The following LSM7 variants were observed in gnomAD, a reference collection of about 807,000 sequenced individuals.
LSM7 encodes the protein LSM7 homolog, U6 small nuclear RNA and mRNA degradation associated.
LSM7 carries 13 observed loss-of-function variants against 14.1 expected under a neutral mutation model. The observed-to-expected ratio is 0.92, with a 90% CI of 0.60 to 1.47. The LOEUF is 1.47. LSM7 is among the 40% of genes most tolerant of loss of function. The pLI is 0.00. For synonymous variants in LSM7, 70 were observed against 57.1 expected, an observed-to-expected ratio of 1.23 and a Z score of -1.02; for missense variants, 108 against 140.8, an observed-to-expected ratio of 0.77 and a Z score of 1.18.
chr19:2,323,168 T>C (rs993826534), intron 3 of LSM7, among the ~76,000 whole-genome samples: 2 of 152,120 alleles, frequency 1.3e-5, no homozygotes, highest in African/African-American at 4.8e-5. Context: ...GTCTGAGGAC[T>C]TGGCGGCCTC....
At chr19:2,324,790 A>G (rs1471764616) in intron 2 of LSM7, 2 of 154,590 alleles carry the variant, frequency 1.3e-5, no homozygotes, top group Non-Finnish European at 2.9e-5. Flanking sequence ...AAGGCTGCGC[A>G]CCGTGAGATC....
Position 2,324,146 on chromosome 19 carries a change from C to T in LSM7, c.148G>A (p.Gly50Ser), listed in dbSNP as rs763670056. The T allele has an allele frequency of 6.3e-7, 1 of 1,577,130 alleles. No individual in the cohort carries two copies. The highest frequency in any genetic ancestry group is 1.2e-5 in the South Asian group (1 of 85,862). The change falls in exon 3 of 4, where the codon GGC becomes AGC. Residue 50 changes from glycine (G) to serine (S), a missense_variant. By Grantham distance (56) the Gly-to-Ser change is moderately conservative (BLOSUM62 0). Coordinates refer to ENST00000252622, the MANE Select transcript of LSM7 (RefSeq NM_016199.3). ...TCACCTCGCATGTACTCAATGGTGC[C>T]GTCCAGCACAAGGTTGAGGAGTGGG... ...FDPLLNLVLD[G>S]TIEYMRDPDD...
At chr19:2,324,939 C>T (rs918311065) in intron 2 of LSM7, 21 of 152,588 alleles carry the variant, frequency 1.4e-4, no homozygotes, top group African/African-American at 4.8e-4. Flanking sequence ...GTGCTCCGCT[C>T]TGACAGCGGT....
Position 2,321,858 on chromosome 19 carries a change from C to A in LSM7, c.170-36G>T, listed in dbSNP as rs552966062. The A allele has an allele frequency of 3.6e-6, 5 of 1,375,472 alleles. No homozygotes were observed. The highest frequency in any genetic ancestry group is 3.5e-5 in the Admixed American group (1 of 28,516). The allele number at this position is 1,375,472 out of a possible 1,614,324, so 85.2% of individuals were successfully genotyped here. On this transcript the variant is annotated intron_variant, in intron 3 of 3. Transcript: ENST00000252622. This position sits in a 1 kb window ranked among gnomAD's most constrained non-coding sequence, Gnocchi z 5.0. ...GCAGATAGAGAGGACTGAGGGACCTCCAGGAAGCCTCCGAGACCCCCCACC... is the reference window on the plus strand; with the variant it reads ...GCAGATAGAGAGGACTGAGGGACCTACAGGAAGCCTCCGAGACCCCCCACC...
chr19:2,324,089 C>T (rs1373420173), intron 3 of LSM7, 36 bp downstream of exon 3: 20 of 1,473,136 alleles, frequency 1.4e-5, no homozygotes, highest in East Asian at 2.6e-5. Flanking sequence ...CTATCCCCCT[C>T]GTCCCGCTGC....
chr19:2,327,435 G>T (rs1274195023), intron 2 of LSM7, among the ~76,000 whole-genome samples: 2 of 152,118 alleles, frequency 1.3e-5, no homozygotes, highest in Non-Finnish European at 2.9e-5. Context: ...TAGAGACAGG[G>T]TTTCACCACG....
chr19:2,325,319 C>T (rs1369957879), intron 2 of LSM7, among the ~76,000 whole-genome samples: 5 of 152,018 alleles, frequency 3.3e-5, no homozygotes, highest in African/African-American at 1.2e-4. Flanking sequence ...CTCCCCTCCA[C>T]TGCCCTGCAG....
At chr19:2,328,534 C>T in intron 1 of LSM7, 27 bp downstream of exon 1, 3 of 1,605,876 alleles carry the variant, frequency 1.9e-6, no homozygotes, top group East Asian at 2.2e-5. Context: ...CCACGCCCCC[C>T]GGCTCCAGAT....
chr19:2,324,124 C>G lies in LSM7; in HGVS notation c.169+1G>C. 1 of 1,562,640 alleles carries G rather than the reference C, an allele frequency of 6.4e-7. No individual in the cohort carries two copies. The highest frequency in any genetic ancestry group is 1.9e-5 in the Admixed American group (1 of 52,640). Reference sequence around the variant, plus strand: ...CCTGCCTCGGCCGCCACCCCACTCACCTCGCATGTACTCAATGGTGCCGTC... The same window carrying G: ...CCTGCCTCGGCCGCCACCCCACTCAGCTCGCATGTACTCAATGGTGCCGTC... On this transcript the variant is annotated splice_donor_variant, in intron 3 of 3. Transcript: ENST00000252622. LOFTEE classifies it high-confidence loss of function.
intron 2 of LSM7, 200 bp from the exon 3 acceptor site, chr19:2,324,396 G>A: frequency 1.7e-6 from 1 of 572,296 alleles, no homozygotes; most frequent in East Asian, 2.9e-5. Flanking sequence ...CGTCTGCGGG[G>A]GGCCAGATGG....
intron 2 of LSM7, chr19:2,327,932 C>A (rs1004487673): frequency 4.3e-5 from 7 of 163,316 alleles, no homozygotes; most frequent in Admixed American, 4.2e-4. Flanking sequence ...GAGTTACCAG[C>A]CCCATTTGAC....
At chr19:2,327,551 C>G (rs1968056524) in intron 2 of LSM7, among the ~76,000 whole-genome samples, 1 of 151,552 alleles carries the variant, frequency 6.6e-6, no homozygotes. Context: ...TCCTTTTTCT[C>G]TTTTGAGACT....
intron 2 of LSM7, among the ~76,000 whole-genome samples, chr19:2,326,310 TTTTGTGTGTGTGTGTG>T (rs1484850797): frequency 2.4e-4 from 24 of 99,712 alleles, no homozygotes; most frequent in Non-Finnish European, 2.3e-4. Flanking sequence ...CCTTTCTGCT[TTTTGTGTGTGTGTGTG>T]TGTGTGTGTG....
At position 2,321,981 on chromosome 19, in the gene LSM7, C is replaced by T. The variant is rs564881531; in HGVS notation, c.170-159G>A. On this transcript the variant is annotated intron_variant, in intron 3 of 3. Coordinates refer to ENST00000252622, the MANE Select transcript of LSM7 (RefSeq NM_016199.3). The surrounding 1 kb of genome is among the most constrained non-coding windows in gnomAD (Gnocchi z 5.0). Reference sequence around the variant, plus strand: ...GGATGCGCTCTGTGGGGCAGGTCCCCGGCTCCCACGGCTGAGACCCATGGC... The same window carrying T: ...GGATGCGCTCTGTGGGGCAGGTCCCTGGCTCCCACGGCTGAGACCCATGGC... Among the ~76,000 whole-genome samples the T allele has an allele frequency of 4.6e-5, 7 of 152,316 alleles. No individual in the cohort carries two copies. The highest frequency in any genetic ancestry group is 3.3e-4 in the Admixed American group (5 of 15,308).
intron 2 of LSM7, among the ~76,000 whole-genome samples, chr19:2,325,160 C>CCACA (rs1381330289): frequency 6.6e-6 from 1 of 152,204 alleles, no homozygotes; most frequent in Non-Finnish European, 1.5e-5. Flanking sequence ...CCGCCTTGGG[C>CCACA]CACAACTTGC....
At chr19:2,323,520 G>T (rs562015256) in intron 3 of LSM7, among the ~76,000 whole-genome samples, 2 of 152,186 alleles carry the variant, frequency 1.3e-5, no homozygotes, top group Admixed American at 1.3e-4. Context: ...GCACCATCTC[G>T]GCTCACTGCA....
At position 2,324,127 on chromosome 19, in the gene LSM7, C is replaced by T. The variant is rs971600555; in HGVS notation, c.167G>A (p.Arg56Gln). The stretch of plus-strand genomic sequence containing the variant: ...GCCTCGGCCGCCACCCCACTCACCT[C>T]GCATGTACTCAATGGTGCCGTCCAG... ...LVLDGTIEYMRDPDDQYKLTE... is the reference protein window; with the variant it reads ...LVLDGTIEYMQDPDDQYKLTE... The change falls in exon 3 of 4, where the codon CGA becomes CAA. Residue 56 changes from arginine (R) to glutamine (Q), a missense_variant and splice_region_variant. Arg to Gln is a conservative substitution (Grantham distance 43). Transcript: ENST00000252622. 19 of 1,565,440 alleles carry T rather than the reference C, an allele frequency of 1.2e-5. No individual in the cohort carries two copies. Among genetic ancestry groups the T allele is most frequent in the African/African-American group, 2.7e-5 (2 of 73,406 alleles).
chr19:2,321,890 A>C lies in LSM7; in HGVS notation c.170-68T>G. On this transcript the variant is annotated intron_variant, in intron 3 of 3. Transcript: ENST00000252622. This position sits in a 1 kb window ranked among gnomAD's most constrained non-coding sequence, Gnocchi z 5.0. ...GCCTCCGAGACCCCCCACCCACCCA[A>C]GACCCTCGCTCCGACCTCCCCACCT... is the stretch of plus-strand genomic sequence containing the variant. 7.5e-7 allele frequency: 1 copy of C among 1,326,580 alleles called. No individual in the cohort carries two copies. Among genetic ancestry groups the C allele is most frequent in the East Asian group, 3.1e-5 (1 of 32,364 alleles). The allele number at this position is 1,326,580 out of a possible 1,614,324, so 82.2% of individuals were successfully genotyped here.
intron 3 of LSM7, among the ~76,000 whole-genome samples, chr19:2,322,086 A>G (rs886882): frequency 0.41 from 62,647 of 152,066 alleles, 16,019 homozygotes; most frequent in East Asian, 0.71. Context: ...AAGAAGGCCC[A>G]GGTGATAGCC....
Sources: gnomAD v4.1 joint callset for allele counts (sites outside exome capture counted in the v4.1 genomes callset) on GRCh38, gnomAD v4.1.1 for gene constraint, Gnocchi (gnomAD v3.1) non-coding constraint, MANE v1.5 for transcripts, NCBI Gene and HGNC (gene_info 2026-07-23, HGNC 2026-07-21) for gene names.